The following AMZ1 variants were observed in gnomAD, a reference collection of about 807,000 sequenced individuals.
AMZ1 encodes archaelysin family metallopeptidase 1.
AMZ1 carries 39 observed loss-of-function variants against 29.9 expected under a neutral mutation model. The ratio of observed to expected loss-of-function variants is 1.30; its 90% CI spans 1.01 to 1.70. AMZ1 has a LOEUF of 1.70. Among genes scored for constraint, AMZ1 ranks in the 40% most tolerant of loss-of-function variants. The pLI, the probability that AMZ1 is intolerant of heterozygous loss-of-function variation, is 0.00. For missense variants in AMZ1, 1,041 were observed against 680.6 expected (o/e 1.53, Z -5.89); for synonymous variants, 458 against 304.0 (o/e 1.51, Z -5.27).
upstream of AMZ1, among the ~76,000 whole-genome samples, chr7:2,684,877 T>C (rs1378451313): frequency 6.7e-6 from 1 of 149,822 alleles, no homozygotes; most frequent in African/African-American, 2.5e-5. Context: ...AATTGCTTTT[T>C]TTTTTTTTTT....
At chr7:2,732,497 G>C (rs981172537) in intron 4 of AMZ1, among the ~76,000 whole-genome samples, 27 of 152,300 alleles carry the variant, frequency 1.8e-4, no homozygotes, top group African/African-American at 6.3e-4. Context: ...AATGAGTTAC[G>C]ATCGTGCCAC....
upstream of AMZ1, chr7:2,762,208 A>G (rs1450691751): frequency 5.8e-6 from 1 of 171,702 alleles, no homozygotes; most frequent in Non-Finnish European, 1.2e-5. Context: ...CGTTTCTAGG[A>G]GAAGTTGTAA....
At chr7:2,706,942 G>C (rs1406688729) in intron 3 of AMZ1, among the ~76,000 whole-genome samples, 2 of 152,194 alleles carry the variant, frequency 1.3e-5, no homozygotes, top group African/African-American at 4.8e-5. Context: ...AGCTGTGATT[G>C]TACTCCAGCC....
rs1393758592 is a variant in AMZ1, at chr7:2,713,147, T to G, written c.*269T>G. ...TTCCCAGCTATTCAGGAGGCTGAGGTGGGAGGATTGCTTGAGCCTAGGAGG... is the reference window on the plus strand; with the variant it reads ...TTCCCAGCTATTCAGGAGGCTGAGGGGGGAGGATTGCTTGAGCCTAGGAGG... On this transcript the variant is annotated 3_prime_UTR_variant, in exon 7 of 7. Transcript: ENST00000683327. The G allele has an allele frequency of 2.8e-5, 9 of 317,530 alleles. No homozygotes were observed. In the East Asian group the frequency reaches 4.6e-4, roughly 16 times the overall value. The allele number at this position is 317,530 out of a possible 1,614,324, so 19.7% of individuals were successfully genotyped here. A position where few individuals can be genotyped will look rare whatever the true frequency, so the allele number is the denominator to read the frequency against.
intron 3 of AMZ1, 23 bp downstream of exon 3, chr7:2,702,912 G>C (rs768758229): frequency 2.5e-5 from 40 of 1,570,402 alleles, no homozygotes; most frequent in Non-Finnish European, 3.1e-5. Context: ...GGCAGCCGCC[G>C]CTCAGGCCAA....
intron 4 of AMZ1, among the ~76,000 whole-genome samples, chr7:2,738,101 G>C (rs1043418270): frequency 6.6e-6 from 1 of 152,132 alleles, no homozygotes; most frequent in Non-Finnish European, 1.5e-5. Context: ...CCTATGAATT[G>C]TTTGTTGCTA....
chr7:2,680,167 T>C (rs910248401), intron 1 of AMZ1, among the ~76,000 whole-genome samples: 4 of 152,030 alleles, frequency 2.6e-5, no homozygotes, highest in African/African-American at 9.7e-5. Context: ...TTGGTGACAG[T>C]GGCACTTGAA....
At chr7:2,741,297 G>A (rs1475047047) in intron 4 of AMZ1, among the ~76,000 whole-genome samples, 1 of 152,092 alleles carries the variant, frequency 6.6e-6, no homozygotes, top group East Asian at 1.9e-4. Flanking sequence ...TGAGGATGCA[G>A]TGAGCCATGA....
intron 4 of AMZ1, among the ~76,000 whole-genome samples, chr7:2,749,493 A>G (rs1790921653): frequency 7.3e-6 from 1 of 136,424 alleles, no homozygotes; most frequent in Admixed American, 7.5e-5. Context: ...GGGGAACATC[A>G]CACACCGGGG....
In AMZ1 at chr7:2,709,109, G is replaced by A. The variant is rs1214856736; in HGVS notation, c.636G>A (p.Gly212=). The A allele has an allele frequency of 1.2e-6, 2 of 1,600,936 alleles. No homozygotes were observed. Among genetic ancestry groups the A allele is most frequent in the South Asian group, 1.1e-5 (1 of 89,736 alleles). ...TCTGCAGCTTCGCCCGGTTCTCAGG[G>A]GAATTCCCGAAGTCGGGGCCCAGCG... ...VGVCSFARFS[G]EFPKSGPSAP... The change falls in exon 5 of 7, where the codon GGG becomes GGA. Residue 212 remains glycine, a synonymous_variant. Transcript: ENST00000683327.
At chr7:2,739,833 G>C (rs2115322209) in intron 4 of AMZ1, among the ~76,000 whole-genome samples, 1 of 152,242 alleles carries the variant, frequency 6.6e-6, no homozygotes, top group African/African-American at 2.4e-5. Flanking sequence ...CACCAAACCT[G>C]GCTAATTTTT....
At chr7:2,736,681 C>A (rs1265229363) in intron 4 of AMZ1, among the ~76,000 whole-genome samples, 18 of 152,262 alleles carry the variant, frequency 1.2e-4, no homozygotes, top group Admixed American at 1.2e-3. Context: ...CAGAGGCCTG[C>A]AGCCTTCAGC....
chr7:2,744,508 A>T lies in AMZ1; in HGVS notation n.551-20204A>T, dbSNP rs1399797899. Among the ~76,000 whole-genome samples the T allele has an allele frequency of 2.6e-5, 4 of 152,306 alleles. 1 individual carries two copies. The highest frequency in any genetic ancestry group is 9.6e-5 in the African/African-American group (4 of 41,562). ...AAACAGGAAGGACATCCACACCAAA[A>T]ACCCATCTGTACGTCACCATCATCA... On this transcript the variant is annotated intron_variant and non_coding_transcript_variant, in intron 4 of 4. Coordinates refer to the AMZ1 transcript ENST00000489665.
In AMZ1 at chr7:2,712,945, C is replaced by T. The variant is rs935862188; in HGVS notation, c.*67C>T. The T allele has an allele frequency of 7.7e-6, 11 of 1,426,352 alleles. No individual in the cohort carries two copies. The African/African-American group carries it at 1.6e-4, about 21-fold the overall frequency. The allele number at this position is 1,426,352 out of a possible 1,614,324, so 88.4% of individuals were successfully genotyped here. On this transcript the variant is annotated 3_prime_UTR_variant, in exon 7 of 7. Transcript: ENST00000683327. Reference sequence around the variant, plus strand: ...GGCCAGCACTGTCCAGTAGCTGAGGCCACTACTGACCTGCCAGGGATAAAG... The same window carrying T: ...GGCCAGCACTGTCCAGTAGCTGAGGTCACTACTGACCTGCCAGGGATAAAG...
chr7:2,755,687 G>A (rs1278055755), intron 4 of AMZ1, among the ~76,000 whole-genome samples: 7 of 152,186 alleles, frequency 4.6e-5, no homozygotes, highest in Non-Finnish European at 1.0e-4. Context: ...AACAGGAACA[G>A]TCATATTTCT....
chr7:2,741,810 G>A (rs528226551), intron 4 of AMZ1, among the ~76,000 whole-genome samples: 1 of 150,978 alleles, frequency 6.6e-6, no homozygotes, highest in African/African-American at 2.4e-5. Flanking sequence ...GCAACTTCAG[G>A]TGCTGCTTCA....
In AMZ1 at chr7:2,745,643, T is replaced by C. The variant is rs911807932; in HGVS notation, n.551-19069T>C. Among the ~76,000 whole-genome samples, 6 of 152,200 alleles carry C rather than the reference T, an allele frequency of 3.9e-5. 1 individual carries two copies. Among genetic ancestry groups the C allele is most frequent in the African/African-American group, 1.4e-4 (6 of 41,438 alleles). On this transcript the variant is annotated intron_variant and non_coding_transcript_variant, in intron 4 of 4. Transcript: ENST00000489665. Reference sequence around the variant, plus strand: ...GCAAAATAGCCAGCTGACATCATAATGACAGGATCAAATTCACACATAACA... The same window carrying C: ...GCAAAATAGCCAGCTGACATCATAACGACAGGATCAAATTCACACATAACA...
downstream of AMZ1, among the ~76,000 whole-genome samples, chr7:2,720,289 C>T (rs763109473): frequency 2.6e-5 from 4 of 152,248 alleles, no homozygotes; most frequent in Non-Finnish European, 4.4e-5. Context: ...AGAGTCACTT[C>T]ACAAATGTTC....
intron 3 of AMZ1, among the ~76,000 whole-genome samples, chr7:2,706,167 C>T (rs750324281): frequency 2.0e-5 from 3 of 152,198 alleles, no homozygotes; most frequent in Non-Finnish European, 4.4e-5. Flanking sequence ...GTGGGGTCAG[C>T]TCAGCCTGGT....
Sources: allele counts gnomAD v4.1 joint callset (sites outside exome capture counted in the v4.1 genomes callset), GRCh38; gene constraint gnomAD v4.1.1; transcripts MANE v1.5; gene names NCBI Gene and HGNC (gene_info 2026-07-23, HGNC 2026-07-21).